SH3GL3: variants seen among roughly 807,000 people sequenced by gnomAD.
SH3GL3 encodes the protein endophilin-A3.
In SH3GL3, 33 loss-of-function variants were observed where a neutral mutation model predicts 47.7. The ratio of observed to expected loss-of-function variants is 0.69; its 90% CI spans 0.52 to 0.92. The LOEUF (loss-of-function observed/expected upper bound fraction) is 0.92. Among genes scored for constraint, SH3GL3 ranks in the 40% least tolerant of loss-of-function variants. The probability of loss-of-function intolerance (pLI) is 0.00; values close to 1 mark genes in which losing one functional copy is unlikely to be tolerated. For missense variants in SH3GL3, 363 were observed against 417.8 expected (o/e 0.87, Z 1.14); for synonymous variants, 155 against 148.8 (o/e 1.04, Z -0.30).
intron 1 of SH3GL3, among the ~76,000 whole-genome samples, chr15:83,459,820 C>T (rs2040182005): frequency 6.6e-6 from 1 of 152,192 alleles, no homozygotes. Context: ...ATACAATTTG[C>T]AGGTCATGCA....
In SH3GL3 at chr15:83,588,754, C is replaced by G; in HGVS notation, c.821C>G (p.Ser274Cys). ...GAGCTCAATGGAGTTTCCACCACCT[C>G]TGTAGTGAAGACGACAGGTAAGTTG... ...SSELNGVSTT[S>C]VVKTTGSNIP... The change falls in exon 8 of 9, where the codon TCT (serine) becomes TGT (cysteine). Residue 274 changes from serine (S) to cysteine (C), a missense_variant. Coordinates refer to ENST00000427482, the MANE Select transcript of SH3GL3 (RefSeq NM_003027.5). 6.3e-7 allele frequency: 1 copy of G among 1,597,424 alleles called. No homozygotes were observed. Among genetic ancestry groups the G allele is most frequent in the Non-Finnish European group, 8.6e-7 (1 of 1,164,818 alleles).
intron 6 of SH3GL3, among the ~76,000 whole-genome samples, chr15:83,584,242 A>G (rs1256178134): frequency 1.3e-5 from 2 of 151,694 alleles, no homozygotes; most frequent in East Asian, 1.9e-4. Flanking sequence ...TCTCATTCTG[A>G]CCTCTGCTTC....
intron 5 of SH3GL3, 39 bp from the exon 6 acceptor site, chr15:83,576,544 T>C (rs2059684491): frequency 1.3e-6 from 2 of 1,550,050 alleles, no homozygotes; most frequent in Admixed American, 4.3e-5. Flanking sequence ...AGGTTTTGAA[T>C]GTAGCACCTC....
intron 1 of SH3GL3, among the ~76,000 whole-genome samples, chr15:83,495,187 T>A (rs2042032169): frequency 6.6e-6 from 1 of 152,176 alleles, no homozygotes; most frequent in South Asian, 2.1e-4. Context: ...CTGGTGCTAT[T>A]TCCCTTACCC....
intron 4 of SH3GL3, 85 bp from the exon 5 acceptor site, chr15:83,572,480 T>C (rs761124928): frequency 3.6e-4 from 428 of 1,198,310 alleles, no homozygotes; most frequent in Non-Finnish European, 1.9e-4. Context: ...ATCCACACAC[T>C]TTTGGTAAAG....
chr15:83,587,032 A>G lies in SH3GL3; in HGVS notation c.674A>G (p.Tyr225Cys), dbSNP rs2059973878. 1 of 1,611,418 alleles carries G rather than the reference A, an allele frequency of 6.2e-7. No homozygotes were observed. Among genetic ancestry groups the G allele is most frequent in the Non-Finnish European group, 8.5e-7 (1 of 1,178,856 alleles). ...GTGTTCATAGAGGCAGCATTAGACT[A>G]TCACAGACAGTCCACAGAGATTCTG... ...LAVFIEAALD[Y>C]HRQSTEILQE... is the part of the protein sequence containing the mutation. Residue 225 changes from tyrosine to cysteine, a missense_variant, in exon 7 of 9, where the codon TAT (tyrosine) becomes TGT (cysteine). Physicochemically the swap from Tyr to Cys is radical, Grantham distance 194 (BLOSUM62 -2). Transcript: ENST00000427482.
chr15:83,526,393 A>G (rs2043421631), intron 1 of SH3GL3, among the ~76,000 whole-genome samples: 1 of 152,274 alleles, frequency 6.6e-6, no homozygotes, highest in East Asian at 1.9e-4. Flanking sequence ...TATTTGCAAT[A>G]GCAAAGGCAT....
intron 6 of SH3GL3, among the ~76,000 whole-genome samples, chr15:83,577,391 A>G (rs1054258240): frequency 1.3e-5 from 2 of 152,076 alleles, no homozygotes; most frequent in Non-Finnish European, 2.9e-5. Flanking sequence ...TCAGACATCC[A>G]GCAAGCCCTG....
At chr15:83,508,558 A>G (rs2042611535) in intron 1 of SH3GL3, among the ~76,000 whole-genome samples, 2 of 151,866 alleles carry the variant, frequency 1.3e-5, no homozygotes, top group South Asian at 4.2e-4. Context: ...GTTCTGGAAT[A>G]TTGTAGGGAC....
At chr15:83,546,214 T>C (rs1417053787) in intron 1 of SH3GL3, among the ~76,000 whole-genome samples, 3 of 151,196 alleles carry the variant, frequency 2.0e-5, no homozygotes, top group African/African-American at 7.3e-5. Context: ...GATGCTTTAC[T>C]GTACTGTGGC....
At chr15:83,607,840 A>AAGTAAT in intron 8 of SH3GL3, among the ~76,000 whole-genome samples, 1 of 142,942 alleles carries the variant, frequency 7.0e-6, no homozygotes, top group East Asian at 2.1e-4. Context: ...TCAGAGTGGC[A>AAGTAAT]AATAATAATA....
chr15:83,447,562 T>C lies in SH3GL3; in HGVS notation c.29T>C (p.Phe10Ser). 1 of 1,507,530 alleles carries C rather than the reference T, an allele frequency of 6.6e-7. No individual in the cohort carries two copies. Among genetic ancestry groups the C allele is most frequent in the Non-Finnish European group, 8.9e-7 (1 of 1,125,924 alleles). 93.4% of individuals were successfully genotyped at this position (1,507,530 alleles called of 1,614,324 possible). Residue 10 changes from phenylalanine (F) to serine (S), a missense_variant, in exon 1 of 9, where the codon TTC (phenylalanine) becomes TCC (serine). Phe to Ser is a radical substitution (Grantham distance 155). Coordinates refer to ENST00000427482, the MANE Select transcript of SH3GL3 (RefSeq NM_003027.5). This position sits in a 1 kb window ranked among gnomAD's most constrained non-coding sequence, Gnocchi z 5.1. ...TCGGTGGCCGGGCTGAAGAAGCAGTTCCACAAAGCCAGCCAGGTAGGGAGG... is the reference window on the plus strand; with the variant it reads ...TCGGTGGCCGGGCTGAAGAAGCAGTCCCACAAAGCCAGCCAGGTAGGGAGG... MSVAGLKKQ[F>S]HKASQLFSEK... is the part of the protein sequence containing the mutation.
chr15:83,627,218 A>G, the SH3GL3 span, among the ~76,000 whole-genome samples: 1 of 152,126 alleles, frequency 6.6e-6, no homozygotes, highest in South Asian at 2.1e-4. Context: ...TAACACGGTG[A>G]AACCCCATCT....
downstream of SH3GL3, among the ~76,000 whole-genome samples, chr15:83,619,782 G>T (rs116510101): frequency 6.6e-6 from 1 of 152,220 alleles, no homozygotes; most frequent in Non-Finnish European, 1.5e-5. Flanking sequence ...GAAGGTTGGG[G>T]TGTCTGTGGC....
intron 8 of SH3GL3, among the ~76,000 whole-genome samples, chr15:83,602,917 A>G (rs908864122): frequency 6.6e-6 from 1 of 152,050 alleles, no homozygotes; most frequent in East Asian, 1.9e-4. Context: ...ATCTGTACTT[A>G]TTGCTGCTCA....
chr15:83,592,608 A>G (rs2060136721), intron 8 of SH3GL3, among the ~76,000 whole-genome samples: 1 of 152,156 alleles, frequency 6.6e-6, no homozygotes, highest in Non-Finnish European at 1.5e-5. Context: ...AAGAGGTTGT[A>G]TTTGGCTTTT....
At chr15:83,566,841 A>C (rs946461714) in intron 3 of SH3GL3, among the ~76,000 whole-genome samples, 2 of 152,166 alleles carry the variant, frequency 1.3e-5, no homozygotes, top group African/African-American at 4.8e-5. Flanking sequence ...CTGGCACGGG[A>C]ATGTCACTAC....
At chr15:83,533,103 A>G (rs956699009) in intron 1 of SH3GL3, among the ~76,000 whole-genome samples, 2 of 152,202 alleles carry the variant, frequency 1.3e-5, no homozygotes, top group African/African-American at 2.4e-5. Flanking sequence ...ACAGTGTTGG[A>G]CTTACATAGG....
chr15:83,473,102 G>A (rs1323533224), intron 1 of SH3GL3, among the ~76,000 whole-genome samples: 3 of 152,128 alleles, frequency 2.0e-5, no homozygotes, highest in Non-Finnish European at 4.4e-5. Flanking sequence ...CCACCAGGTA[G>A]TTCTGACTCT....
Sources: gnomAD v4.1 joint callset for allele counts (sites outside exome capture counted in the v4.1 genomes callset) on GRCh38, gnomAD v4.1.1 for gene constraint, Gnocchi (gnomAD v3.1) non-coding constraint, MANE v1.5 for transcripts, NCBI Gene and HGNC (gene_info 2026-07-23, HGNC 2026-07-21) for gene names.